The following PTPRM variants were observed in gnomAD, a reference collection of about 807,000 sequenced individuals.
PTPRM encodes the protein protein tyrosine phosphatase receptor type M, also known as receptor-type tyrosine-protein phosphatase mu.
In PTPRM, 47 loss-of-function variants were observed where a neutral mutation model predicts 186.7. That is an observed-to-expected ratio of 0.25 (90% confidence interval 0.20 to 0.32). The LOEUF is 0.32. PTPRM is among the 10% of genes least tolerant of loss of function. The probability of loss-of-function intolerance (pLI) is 1.00; values close to 1 mark genes in which losing one functional copy is unlikely to be tolerated. For missense variants in PTPRM, 1,494 were observed against 1,865.0 expected (o/e 0.80, Z 3.66); for synonymous variants, 668 against 674.9 (o/e 0.99, Z 0.16).
At chr18:7,739,318 G>C (rs987862815) in intron 1 of PTPRM, among the ~76,000 whole-genome samples, 2 of 152,122 alleles carry the variant, frequency 1.3e-5, no homozygotes, top group African/African-American at 4.8e-5. Context: ...GTTGGTTGTT[G>C]TCAACTTCTG....
rs547675066 is a variant in PTPRM at position 8,079,394 on chromosome 18, C to G, written c.1551+2830C>G. On this transcript the variant is annotated intron_variant, in intron 9 of 32. Transcript: ENST00000580170. Reference sequence around the variant, plus strand: ...GTCGAGTTGTCAATTTAATACTGCCCTCTGAAAGAATACTTGTAAGTGCAG... The same window carrying G: ...GTCGAGTTGTCAATTTAATACTGCCGTCTGAAAGAATACTTGTAAGTGCAG... 5.9e-5 allele frequency among the ~76,000 whole-genome samples: 9 copies of G among 152,240 alleles called. No homozygotes were observed. In the East Asian group the frequency reaches 1.5e-3, roughly 26 times the overall value.
intron 23 of PTPRM, among the ~76,000 whole-genome samples, chr18:8,348,349 G>C (rs1349397993): frequency 6.6e-6 from 1 of 152,218 alleles, no homozygotes; most frequent in Admixed American, 6.5e-5. Context: ...GCAGCACCTG[G>C]TGCAGAAGAC....
intron 7 of PTPRM, among the ~76,000 whole-genome samples, chr18:7,957,967 C>G (rs977135869): frequency 3.3e-5 from 5 of 152,086 alleles, no homozygotes; most frequent in Admixed American, 3.3e-4. Flanking sequence ...TGGAAAACAT[C>G]CTTGGCCAGG....
At position 8,295,970 on chromosome 18, in the gene PTPRM, G is replaced by A. The variant is rs2095092782; in HGVS notation, c.2755-398G>A. On this transcript the variant is annotated intron_variant, in intron 19 of 32. Transcript: ENST00000580170. ...ATAACCTTTCTTCAATTAGCAATTA[G>A]GGAGAAAAAGACATCACTGTATCTC... is the stretch of plus-strand genomic sequence containing the variant. Among the ~76,000 whole-genome samples the A allele has an allele frequency of 2.6e-5, 4 of 152,086 alleles. No homozygotes were observed. The South Asian group carries it at 8.3e-4, about 32-fold the overall frequency.
At chr18:7,675,660 A>G (rs2039316795) in intron 1 of PTPRM, among the ~76,000 whole-genome samples, 1 of 151,964 alleles carries the variant, frequency 6.6e-6, no homozygotes, top group South Asian at 2.1e-4. Context: ...CTTTGCACAC[A>G]GTAACCTTTG....
chr18:8,141,955 C>T (rs1174420342), intron 13 of PTPRM, among the ~76,000 whole-genome samples: 1 of 152,166 alleles, frequency 6.6e-6, no homozygotes, highest in Non-Finnish European at 1.5e-5. Flanking sequence ...TCCACATACA[C>T]ATTTTATCTT....
intron 1 of PTPRM, among the ~76,000 whole-genome samples, chr18:7,573,274 G>T (rs2036606239): frequency 6.6e-6 from 1 of 152,148 alleles, no homozygotes; most frequent in African/African-American, 2.4e-5. Flanking sequence ...TTGAAGGAGG[G>T]CCATGAAGAG....
chr18:7,917,527 C>T (rs2050631917), intron 4 of PTPRM, among the ~76,000 whole-genome samples: 1 of 152,076 alleles, frequency 6.6e-6, no homozygotes, highest in Admixed American at 6.6e-5. Flanking sequence ...CAGAGTGAGA[C>T]TCTGTCTAAA....
chr18:8,066,504 C>G (rs16952797), intron 7 of PTPRM, among the ~76,000 whole-genome samples: 4,689 of 152,158 alleles, frequency 0.031, 239 homozygotes, highest in African/African-American at 0.11. Context: ...GTCAAAGAGG[C>G]CTTCATCCCT....
chr18:8,376,056 A>G lies in PTPRM; in HGVS notation c.3182A>G (p.His1061Arg), dbSNP rs1233778670. Residue 1061 changes from histidine to arginine, a missense_variant, in exon 25 of 33, where the codon CAT becomes CGT. Physicochemically the swap from His to Arg is conservative, Grantham distance 29 (BLOSUM62 0). Around this residue, in one of 3 missense-constraint regions of PTPRM, gnomAD observed 1,107 missense variants for 1,350.2 expected, o/e 0.82. Transcript: ENST00000580170. ...RTFAVEKRGV[H>R]EIREIRQFHF... is the part of the protein sequence containing the mutation. ...AACCAACTACTGCAGAGAGGTGTGC[A>G]TGAAATCCGAGAGATCAGACAGTTT... 1 of 1,609,798 alleles carries G rather than the reference A, an allele frequency of 6.2e-7. No homozygotes were observed. Among genetic ancestry groups the G allele is most frequent in the South Asian group, 1.1e-5 (1 of 91,024 alleles).
chr18:8,348,352 C>T (rs900668832), intron 23 of PTPRM, among the ~76,000 whole-genome samples: 6 of 152,240 alleles, frequency 3.9e-5, no homozygotes, highest in Admixed American at 3.9e-4. Context: ...GCACCTGGTG[C>T]AGAAGACATA....
intron 11 of PTPRM, among the ~76,000 whole-genome samples, chr18:8,108,357 A>G (rs2145639178): frequency 6.6e-6 from 1 of 152,194 alleles, no homozygotes; most frequent in Non-Finnish European, 1.5e-5. Flanking sequence ...AAGCGTTACA[A>G]CTTTTCTCCT....
Position 8,069,849 on chromosome 18 carries a change from A to T in PTPRM, c.1296A>T (p.Glu432Asp), listed in dbSNP as rs1452234882. 6.2e-7 allele frequency: 1 copy of T among 1,614,100 alleles called. No individual in the cohort carries two copies. ...QVGGQEQVRE[E>D]VSWDTENSHP... ...GAGGACAAGAACAAGTGCGAGAAGA[A>T]GTAAGCTGGGATACAGAAAACTCAC... The change falls in exon 8 of 33, where the codon GAA becomes GAT. Residue 432 changes from glutamate to aspartate, a missense_variant. Glu to Asp is a conservative substitution (Grantham distance 45). Around this residue, in one of 3 missense-constraint regions of PTPRM, gnomAD observed 1,107 missense variants for 1,350.2 expected, o/e 0.82. Transcript: ENST00000580170.
chr18:7,982,844 T>C (rs986445537), intron 7 of PTPRM, among the ~76,000 whole-genome samples: 62 of 152,092 alleles, frequency 4.1e-4, no homozygotes, highest in African/African-American at 1.4e-3. Flanking sequence ...GGAAATGTTG[T>C]TATGTGGCGT....
intron 14 of PTPRM, among the ~76,000 whole-genome samples, chr18:8,240,785 A>AGAGG (rs2094421558): frequency 4.0e-5 from 1 of 24,784 alleles, no homozygotes. Context: ...AGGGAGAGAG[A>AGAGG]GAGAGAGAGA....
At chr18:8,259,873 C>T (rs555375001) in intron 19 of PTPRM, among the ~76,000 whole-genome samples, 2 of 152,156 alleles carry the variant, frequency 1.3e-5, no homozygotes, top group Admixed American at 6.5e-5. Flanking sequence ...GAACTCCTGA[C>T]CTCAGGTATC....
At chr18:7,679,529 G>A (rs1347389771) in intron 1 of PTPRM, among the ~76,000 whole-genome samples, 2 of 152,176 alleles carry the variant, frequency 1.3e-5, no homozygotes, top group Admixed American at 6.5e-5. Flanking sequence ...GCTGGCTATG[G>A]TGGCATGTGC....
intron 7 of PTPRM, among the ~76,000 whole-genome samples, chr18:8,033,734 T>G (rs1277197437): frequency 6.6e-6 from 1 of 152,236 alleles, no homozygotes; most frequent in Admixed American, 6.5e-5. Context: ...GAAAAGTTTG[T>G]TTTTAAATGA....
chr18:8,292,676 G>T (rs2095054776), intron 19 of PTPRM, among the ~76,000 whole-genome samples: 1 of 152,182 alleles, frequency 6.6e-6, no homozygotes, highest in Admixed American at 6.5e-5. Flanking sequence ...GAAGTTGGGA[G>T]GCTCATTGCA....
Sources: allele counts gnomAD v4.1 joint callset (sites outside exome capture counted in the v4.1 genomes callset), GRCh38; gene constraint gnomAD v4.1.1; regional missense constraint gnomAD v4.1.1; transcripts MANE v1.5; gene names NCBI Gene and HGNC (gene_info 2026-07-23, HGNC 2026-07-21).